AHDC1: variants seen among roughly 807,000 people sequenced by gnomAD.
The protein encoded by AHDC1 is AT-hook DNA binding motif containing 1.
AHDC1 carries 7 observed loss-of-function variants against 87.9 expected under a neutral mutation model. The observed-to-expected ratio is 0.08, with a 90% CI of 0.05 to 0.15. AHDC1 has a LOEUF of 0.15. Among genes scored for constraint, AHDC1 ranks in the 10% least tolerant of loss-of-function variants. The pLI is 1.00. For missense variants in AHDC1, 1,841 were observed against 2,253.2 expected (o/e 0.82, Z 3.70); for synonymous variants, 1,051 against 1,006.8 (o/e 1.04, Z -0.83).
chr1:27,586,542 G>C (rs1022488884), intron 3 of AHDC1, among the ~76,000 whole-genome samples: 1 of 152,206 alleles, frequency 6.6e-6, no homozygotes, highest in Non-Finnish European at 1.5e-5. Context: ...AATTAAAATA[G>C]CACAGGAAAT....
rs2020078467 is a variant in AHDC1 at position 27,561,465 on chromosome 1, G to T, written c.-628-2582C>A. Among the ~76,000 whole-genome samples the T allele has an allele frequency of 6.6e-6, 1 of 152,190 alleles. No individual in the cohort carries two copies. The highest frequency in any genetic ancestry group is 1.5e-5 in the Non-Finnish European group (1 of 68,036). On this transcript the variant is annotated intron_variant, in intron 3 of 8. Coordinates refer to ENST00000673934, the MANE Select transcript of AHDC1 (RefSeq NM_001371928.1). This position sits in a 1 kb window ranked among gnomAD's most constrained non-coding sequence, Gnocchi z 4.2. ...ACTTCCAACAGTGCCCACACAGGCT[G>T]GGGGAGCTGCTGGGAGGCAGAGGAC...
In AHDC1 at chr1:27,548,085, A is replaced by G. The variant is rs1467982801; in HGVS notation, c.4031T>C (p.Ile1344Thr). Reference sequence around the variant, plus strand: ...GGACGGGTTCATGGAGTAGGGTCCTATGAAGTCACAGGGGTCTCGCTCTCC... The same window carrying G: ...GGACGGGTTCATGGAGTAGGGTCCTGTGAAGTCACAGGGGTCTCGCTCTCC... Reference protein sequence around the residue: ...GVGERDPCDFIGPYSMNPSTP... With the variant: ...GVGERDPCDFTGPYSMNPSTP... The change falls in exon 8 of 9, where the codon ATA (isoleucine) becomes ACA (threonine). Residue 1344 changes from isoleucine (I) to threonine (T), a missense_variant. Transcript: ENST00000673934. The G allele has an allele frequency of 1.9e-6, 3 of 1,613,800 alleles. No homozygotes were observed. Among genetic ancestry groups the G allele is most frequent in the Non-Finnish European group, 1.7e-6 (2 of 1,180,042 alleles).
rs188670687 is a variant in AHDC1 at position 27,560,679 on chromosome 1, A to C, written c.-628-1796T>G. On this transcript the variant is annotated intron_variant, in intron 3 of 8. Transcript: ENST00000673934. The surrounding 1 kb of genome is among the most constrained non-coding windows in gnomAD (Gnocchi z 4.1). ...GTGTGACCTTATTGTGTGTCTGTGTACCACAGCGTGTCTCTGTGTATGTCA... is the reference window on the plus strand; with the variant it reads ...GTGTGACCTTATTGTGTGTCTGTGTCCCACAGCGTGTCTCTGTGTATGTCA... 2.0e-4 allele frequency among the ~76,000 whole-genome samples: 31 copies of C among 152,024 alleles called. No homozygotes were observed. Among genetic ancestry groups the C allele is most frequent in the Non-Finnish European group, 4.1e-4 (28 of 67,974 alleles).
chr1:27,539,131 T>C (rs1028612498), intron 8 of AHDC1, among the ~76,000 whole-genome samples: 3 of 150,750 alleles, frequency 2.0e-5, no homozygotes, highest in South Asian at 2.1e-4. Context: ...GAAGCTTTTT[T>C]TCTTTTCTTT....
chr1:27,578,514 G>A (rs1409621376), intron 3 of AHDC1, among the ~76,000 whole-genome samples: 23 of 151,882 alleles, frequency 1.5e-4, no homozygotes, highest in Non-Finnish European at 2.6e-4. Flanking sequence ...GCTTCAACTC[G>A]GGAGGTGGAG....
In AHDC1 at chr1:27,547,685, C is replaced by T. The variant is rs758589491; in HGVS notation, c.4431G>A (p.Pro1477=). 17 of 1,594,146 alleles carry T rather than the reference C, an allele frequency of 1.1e-5. No homozygotes were observed. The highest frequency in any genetic ancestry group is 2.7e-5 in the African/African-American group (2 of 74,508). The change falls in exon 8 of 9, where the codon CCG becomes CCA. Residue 1477 remains proline, a synonymous_variant. Transcript: ENST00000673934. This position sits in a 1 kb window ranked among gnomAD's most constrained non-coding sequence, Gnocchi z 4.9. ...CTGTACCCACCTTGCCTTCATAGGG[C>T]GGGCTGCGGGCAGCTGAGCCTGGAG... ...WYPPGSAARS[P]PYEGKVGTGL... is the part of the protein sequence containing the mutation.
chr1:27,603,143 A>ACCCCCCCCCCCCCCCCCCCCC (rs1156376060), intron 3 of AHDC1, among the ~76,000 whole-genome samples: 1 of 110,424 alleles, frequency 9.1e-6, no homozygotes, highest in Non-Finnish European at 2.0e-5. Context: ...AAACCCGAGA[A>ACCCCCCCCCCCCCCCCCCCCC]CCCCCCCTCC....
rs1305137701 is a variant in AHDC1 at position 27,598,213 on chromosome 1, A to T, written c.-629+5184T>A. Reference sequence around the variant, plus strand: ...TTCGGGGCCAGCCAGCTGCAGAAGCAGCCCCTCCCCTGGGCTCCCAGGCCA... The same window carrying T: ...TTCGGGGCCAGCCAGCTGCAGAAGCTGCCCCTCCCCTGGGCTCCCAGGCCA... On this transcript the variant is annotated intron_variant, in intron 3 of 8. Transcript: ENST00000673934. This position sits in a 1 kb window ranked among gnomAD's most constrained non-coding sequence, Gnocchi z 4.2. Among the ~76,000 whole-genome samples the T allele has an allele frequency of 6.6e-6, 1 of 152,200 alleles. No homozygotes were observed. The highest frequency in any genetic ancestry group is 1.5e-5 in the Non-Finnish European group (1 of 68,014).
chr1:27,575,486 G>C (rs1178251491), intron 3 of AHDC1, among the ~76,000 whole-genome samples: 1 of 152,054 alleles, frequency 6.6e-6, no homozygotes, highest in Non-Finnish European at 1.5e-5. Flanking sequence ...CCTCGCCGCG[G>C]AGGCGCCCCC....
chr1:27,594,207 T>TC (rs1444776275), intron 3 of AHDC1, among the ~76,000 whole-genome samples: 4 of 152,134 alleles, frequency 2.6e-5, no homozygotes, highest in African/African-American at 9.7e-5. Context: ...CGGAACTGAC[T>TC]CCCAGGGAGA....
At position 27,552,069 on chromosome 1, in the gene AHDC1, C is replaced by T; in HGVS notation, c.47G>A (p.Cys16Tyr). 6.7e-7 allele frequency: 1 copy of T among 1,498,498 alleles called. No homozygotes were observed. Among genetic ancestry groups the T allele is most frequent in the Non-Finnish European group, 8.9e-7 (1 of 1,124,432 alleles). The allele number at this position is 1,498,498 out of a possible 1,614,324, so 92.8% of individuals were successfully genotyped here. A position where few individuals can be genotyped will look rare whatever the true frequency, so the allele number is the denominator to read the frequency against. Residue 16 changes from cysteine to tyrosine, a missense_variant, in exon 8 of 9, where the codon TGC becomes TAC. By Grantham distance (194) the Cys-to-Tyr change is radical. Coordinates refer to ENST00000673934, the MANE Select transcript of AHDC1 (RefSeq NM_001371928.1). ...TTCCCGGAGGTAGTCAGGAGAGCTG[C>T]ACACGGCACTGGAAGTCACCACCAG... ...QGLVVTSSAV[C>Y]SSPDYLREPK...
chr1:27,556,467 G>A (rs2019821047), intron 5 of AHDC1, among the ~76,000 whole-genome samples: 1 of 151,840 alleles, frequency 6.6e-6, no homozygotes, highest in African/African-American at 2.4e-5. Flanking sequence ...TATCTCTCAG[G>A]ATCTGTCCCT....
intron 3 of AHDC1, among the ~76,000 whole-genome samples, chr1:27,574,458 CT>C: frequency 6.6e-6 from 1 of 152,150 alleles, no homozygotes; most frequent in South Asian, 2.1e-4. Context: ...AGGCCATGGC[CT>C]ATCTAGTGTT....
chr1:27,538,230 C>T (rs1425865015), intron 8 of AHDC1, among the ~76,000 whole-genome samples: 12 of 151,510 alleles, frequency 7.9e-5, no homozygotes, highest in African/African-American at 9.7e-5. Flanking sequence ...GGAGAAACCC[C>T]GTCTCTACAA....
rs1348520765 is a variant in AHDC1, at chr1:27,590,910, G to A, written c.-629+12487C>T. Among the ~76,000 whole-genome samples the A allele has an allele frequency of 6.6e-6, 1 of 152,208 alleles. No homozygotes were observed. Among genetic ancestry groups the A allele is most frequent in the East Asian group, 1.9e-4 (1 of 5,202 alleles). On this transcript the variant is annotated intron_variant, in intron 3 of 8. Coordinates refer to ENST00000673934, the MANE Select transcript of AHDC1 (RefSeq NM_001371928.1). This position sits in a 1 kb window ranked among gnomAD's most constrained non-coding sequence, Gnocchi z 5.4. The stretch of plus-strand genomic sequence containing the variant: ...TCCCTCAACCCCCAGCACCTTGGAT[G>A]AGCAGTTGGAGAGCAGGTTTGCTAA...
At chr1:27,602,993 C>T (rs1250907441) in intron 3 of AHDC1, among the ~76,000 whole-genome samples, 1 of 141,712 alleles carries the variant, frequency 7.1e-6, no homozygotes. Context: ...CATTCCCCCC[C>T]CCCCCACATT....
rs747020954 is a variant in AHDC1, at chr1:27,550,994, G to C, written c.1122C>G (p.Pro374=). 1.9e-6 allele frequency: 3 copies of C among 1,572,796 alleles called. No individual in the cohort carries two copies. The highest frequency in any genetic ancestry group is 2.7e-5 in the African/African-American group (2 of 73,902). The change falls in exon 8 of 9, where the codon CCC becomes CCG. Residue 374 remains proline, a synonymous_variant. Coordinates refer to ENST00000673934, the MANE Select transcript of AHDC1 (RefSeq NM_001371928.1). ...RLDLCSPHGP[P]GPEGHPKYAL... ...CGTACTTGGGGTGACCCTCAGGCCC[G>C]GGGGGGCCGTGCGGTGAGCACAAGT...
In AHDC1 at chr1:27,548,127, G is replaced by A. The variant is rs199659346; in HGVS notation, c.3989C>T (p.Ser1330Leu). The A allele has an allele frequency of 1.3e-5, 21 of 1,613,894 alleles. No homozygotes were observed. Among genetic ancestry groups the A allele is most frequent in the Non-Finnish European group, 1.6e-5 (19 of 1,180,042 alleles). ...TCGCTCTCCCACGCCGAAGGCCCTCGACTGTGAGGGCAGTGGTGACATGCT... is the reference window on the plus strand; with the variant it reads ...TCGCTCTCCCACGCCGAAGGCCCTCAACTGTGAGGGCAGTGGTGACATGCT... ...DSSMSPLPSQ[S>L]RAFGVGERDP... Residue 1330 changes from serine (S) to leucine (L), a missense_variant, in exon 8 of 9, where the codon TCG becomes TTG. By Grantham distance (145) the Ser-to-Leu change is moderately radical. This residue lies in a region of AHDC1 where 505 missense variants were observed against 626.2 expected (regional missense o/e 0.81). Transcript: ENST00000673934.
chr1:27,569,400 G>A (rs569932502), intron 3 of AHDC1, among the ~76,000 whole-genome samples: 2 of 152,232 alleles, frequency 1.3e-5, no homozygotes, highest in African/African-American at 4.8e-5. Flanking sequence ...GCCTAAGACA[G>A]GCAAGGATTT....
Sources: allele counts gnomAD v4.1 joint callset (sites outside exome capture counted in the v4.1 genomes callset), GRCh38; gene constraint gnomAD v4.1.1; regional missense constraint gnomAD v4.1.1; non-coding constraint Gnocchi (gnomAD v3.1); transcripts MANE v1.5; gene names NCBI Gene and HGNC (gene_info 2026-07-23, HGNC 2026-07-21).